FAT3: variants seen among roughly 807,000 people sequenced by gnomAD.
FAT3 encodes the protein protocadherin Fat 3.
Under a neutral mutation model 310.2 loss-of-function variants are expected in FAT3, and 95 were observed. The ratio of observed to expected loss-of-function variants is 0.31; its 90% CI spans 0.26 to 0.36. FAT3 has a LOEUF of 0.36. FAT3 is among the 10% of genes least tolerant of loss of function. The pLI is 1.00. For missense variants in FAT3, 5,408 were observed against 5,715.6 expected (o/e 0.95, Z 1.74); for synonymous variants, 2,314 against 2,192.9 (o/e 1.06, Z -1.54).
rs778207778 is a variant in FAT3 at position 92,355,282 on chromosome 11, G to A, written c.3170G>A (p.Arg1057His). Reference protein sequence around the residue: ...AVVGSVKENSRIGTSVLQVTA... With the variant: ...AVVGSVKENSHIGTSVLQVTA... Reference sequence around the variant, plus strand: ...GTTGGATCTGTAAAGGAAAACTCACGCATTGGAACAAGCGTGCTGCAGGTG... The same window carrying A: ...GTTGGATCTGTAAAGGAAAACTCACACATTGGAACAAGCGTGCTGCAGGTG... Residue 1057 changes from arginine (R) to histidine (H), a missense_variant, in exon 2 of 28, where the codon CGC becomes CAC. Around this residue, in one of 5 missense-constraint regions of FAT3, gnomAD observed 4,588 missense variants for 4,809.8 expected, o/e 0.95. Coordinates refer to ENST00000525166, the MANE Select transcript of FAT3 (RefSeq NM_001367949.2). 9.9e-6 allele frequency: 16 copies of A among 1,613,690 alleles called. No individual in the cohort carries two copies. The highest frequency in any genetic ancestry group is 5.5e-5 in the South Asian group (5 of 91,082).
intron 1 of FAT3, among the ~76,000 whole-genome samples, chr11:92,233,551 G>A (rs2134234473): frequency 6.6e-6 from 1 of 152,318 alleles, no homozygotes; most frequent in Admixed American, 6.5e-5. Flanking sequence ...TCACCTGAGT[G>A]ATGTTCAGCT....
chr11:92,257,103 A>G (rs1865350074), intron 1 of FAT3, among the ~76,000 whole-genome samples: 1 of 152,176 alleles, frequency 6.6e-6, no homozygotes, highest in South Asian at 2.1e-4. Context: ...TCCCTACCTC[A>G]GAGGTTGTCA....
At chr11:92,671,052 G>T (rs147980946) in intron 3 of FAT3, among the ~76,000 whole-genome samples, 2 of 147,916 alleles carry the variant, frequency 1.4e-5, no homozygotes, top group East Asian at 3.9e-4. Context: ...TTTGTTTTTT[G>T]TTTTTTTTTT....
chr11:92,445,153 A>G (rs1951180066), intron 2 of FAT3, among the ~76,000 whole-genome samples: 1 of 152,236 alleles, frequency 6.6e-6, no homozygotes, highest in Admixed American at 6.5e-5. Context: ...ATGAGAAAAT[A>G]AAATACGTTA....
chr11:92,828,368 A>C (rs1407902414), intron 13 of FAT3, among the ~76,000 whole-genome samples: 2 of 152,064 alleles, frequency 1.3e-5, no homozygotes, highest in Non-Finnish European at 2.9e-5. Flanking sequence ...TTGTGTCTAA[A>C]TTGGAGGTTT....
intron 1 of FAT3, among the ~76,000 whole-genome samples, chr11:92,281,176 AAC>A (rs1946410725): frequency 6.6e-6 from 1 of 152,126 alleles, no homozygotes; most frequent in African/African-American, 2.4e-5. Context: ...AAGAGTATGA[AAC>A]ACAAACACAT....
chr11:92,379,301 T>A (rs1261375114), intron 2 of FAT3, among the ~76,000 whole-genome samples: 2 of 152,180 alleles, frequency 1.3e-5, no homozygotes, highest in Non-Finnish European at 2.9e-5. Context: ...AATACATTCA[T>A]AAATTTGAAC....
intron 22 of FAT3, among the ~76,000 whole-genome samples, chr11:92,871,266 A>C (rs553481366): frequency 5.3e-5 from 8 of 152,350 alleles, no homozygotes; most frequent in African/African-American, 1.9e-4. Context: ...AAAAGTGGGA[A>C]AGGTGGGATT....
At chr11:92,787,997 C>G (rs1946939845) in intron 7 of FAT3, among the ~76,000 whole-genome samples, 1 of 152,278 alleles carries the variant, frequency 6.6e-6, no homozygotes, top group South Asian at 2.1e-4. Context: ...TTTCCTGACT[C>G]TGTCCATTGA....
intron 4 of FAT3, among the ~76,000 whole-genome samples, chr11:92,734,570 T>A (rs190362430): frequency 4.6e-5 from 7 of 152,246 alleles, no homozygotes; most frequent in Admixed American, 3.9e-4. Flanking sequence ...ATAATAATAA[T>A]GCACTAGAAA....
rs74607616 is a variant in FAT3, at chr11:92,644,287, T to C, written c.3608-53097T>C. On this transcript the variant is annotated intron_variant, in intron 3 of 27. Coordinates refer to ENST00000525166, the MANE Select transcript of FAT3 (RefSeq NM_001367949.2). ...TCTCTCTATCAATTATGTTCATGAG[T>C]TGCAGGTCTGAGGGTTCCCTCTATC... Among the ~76,000 whole-genome samples the C allele has an allele frequency of 5.4e-3, 823 of 152,338 alleles. 10 individuals are homozygous for C. The highest frequency in any genetic ancestry group is 0.018 in the African/African-American group (754 of 41,588).
At chr11:92,546,209 C>T (rs1053773198) in intron 3 of FAT3, among the ~76,000 whole-genome samples, 1 of 152,114 alleles carries the variant, frequency 6.6e-6, no homozygotes, top group Admixed American at 6.5e-5. Flanking sequence ...GATAATATCC[C>T]GATCTACAGA....
chr11:92,604,929 A>G (rs544837083), intron 3 of FAT3, among the ~76,000 whole-genome samples: 1 of 152,214 alleles, frequency 6.6e-6, no homozygotes, highest in Non-Finnish European at 1.5e-5. Flanking sequence ...ATGTTTCCTC[A>G]TCTGTAAATA....
chr11:92,649,069 A>G (rs1251699999), intron 3 of FAT3, among the ~76,000 whole-genome samples: 2 of 152,136 alleles, frequency 1.3e-5, no homozygotes, highest in African/African-American at 4.8e-5. Context: ...ATAAATGGTG[A>G]TATTTGTCTC....
At chr11:92,551,057 C>T (rs1322266833) in intron 3 of FAT3, among the ~76,000 whole-genome samples, 1 of 152,010 alleles carries the variant, frequency 6.6e-6, no homozygotes, top group Non-Finnish European at 1.5e-5. Context: ...GGCTGAGTCT[C>T]AGACAGAGTG....
chr11:92,843,817 A>G (rs547783459), intron 18 of FAT3, 117 bp from the exon 19 acceptor site: 2 of 969,350 alleles, frequency 2.1e-6, no homozygotes, highest in South Asian at 3.2e-5. Context: ...AATAGTGGCA[A>G]GGAATGAAGG....
rs187750020 is a variant in FAT3 at position 92,516,503 on chromosome 11, C to T, written c.3293-8131C>T. ...GGAACATATCTCAAAATAATAAGAG[C>T]TATTTATGACAAGCCCATAGCCAAT... On this transcript the variant is annotated intron_variant, in intron 2 of 27. Coordinates refer to ENST00000525166, the MANE Select transcript of FAT3 (RefSeq NM_001367949.2). 1.4e-3 allele frequency among the ~76,000 whole-genome samples: 209 copies of T among 152,160 alleles called. 1 individual carries two copies. The highest frequency in any genetic ancestry group is 0.014 in the Middle Eastern group (4 of 294).
At chr11:92,555,325 C>T (rs949094532) in intron 3 of FAT3, among the ~76,000 whole-genome samples, 7 of 152,132 alleles carry the variant, frequency 4.6e-5, no homozygotes, top group Admixed American at 2.0e-4. Flanking sequence ...CCTTTGGTTA[C>T]GGTTAGTAGT....
intron 2 of FAT3, 92 bp from the exon 3 acceptor site, chr11:92,524,542 A>C: frequency 7.9e-7 from 1 of 1,264,292 alleles, no homozygotes. Context: ...TCATATGCCA[A>C]GATTATTTAG....
Sources: gnomAD v4.1 joint callset for allele counts (sites outside exome capture counted in the v4.1 genomes callset) on GRCh38, gnomAD v4.1.1 for gene constraint, gnomAD v4.1.1 regional missense constraint, MANE v1.5 for transcripts, NCBI Gene and HGNC (gene_info 2026-07-23, HGNC 2026-07-21) for gene names.